The following GAL3ST2 variants were observed in gnomAD, a reference collection of about 807,000 sequenced individuals.
The protein encoded by GAL3ST2 is beta-galactose-3-O-sulfotransferase 2.
In GAL3ST2, 16 loss-of-function variants were observed where a neutral mutation model predicts 12.9. The observed-to-expected ratio is 1.24, with a 90% CI of 0.84 to 1.88. GAL3ST2 has a LOEUF of 1.88. GAL3ST2 is among the 40% of genes most tolerant of loss of function. GAL3ST2 has a pLI of 0.00. For missense variants in GAL3ST2, 639 were observed against 571.8 expected, an observed-to-expected ratio of 1.12 and a Z score of -1.20; for synonymous variants, 302 against 273.9, an observed-to-expected ratio of 1.10 and a Z score of -1.01.
rs761006668 is a variant in GAL3ST2 at position 241,804,037 on chromosome 2, G to A, written c.1068G>A (p.Pro356=). Reference sequence around the variant, plus strand: ...ACATCCTGGGTTACAACCTCCGGCCGGGCCTGGACAACCAGACGCTGGGCG... The same window carrying A: ...ACATCCTGGGTTACAACCTCCGGCCAGGCCTGGACAACCAGACGCTGGGCG... The part of the protein sequence containing the change: ...KADILGYNLR[P]GLDNQTLGVC... The change falls in exon 4 of 4, where the codon CCG becomes CCA. Residue 356 remains proline (P), a synonymous_variant. Transcript: ENST00000192314. 2.6e-6 allele frequency: 4 copies of A among 1,561,602 alleles called. No individual in the cohort carries two copies. Among genetic ancestry groups the A allele is most frequent in the South Asian group, 1.2e-5 (1 of 83,704 alleles).
At chr2:241,790,223 G>T (rs1008327851) in intron 1 of GAL3ST2, among the ~76,000 whole-genome samples, 1 of 152,134 alleles carries the variant, frequency 6.6e-6, no homozygotes, top group Non-Finnish European at 1.5e-5. Flanking sequence ...TTTGGGGATT[G>T]TGGCATTAGA....
In GAL3ST2 at chr2:241,795,512, C is replaced by A. The variant is rs777090758; in HGVS notation, c.30-3553C>A. Among the ~76,000 whole-genome samples, 4 of 152,180 alleles carry A rather than the reference C, an allele frequency of 2.6e-5. No individual in the cohort carries two copies. On this transcript the variant is annotated intron_variant, in intron 1 of 3. Transcript: ENST00000192314. The surrounding 1 kb of genome is among the most constrained non-coding windows in gnomAD (Gnocchi z 4.5). ...TGTTTGAGGAAGGAGTTGACTATGG[C>A]GGAACGAAGTGATGGCCAAGGGTGG...
intron 1 of GAL3ST2, among the ~76,000 whole-genome samples, chr2:241,786,289 C>T (rs1699627481): frequency 6.6e-6 from 1 of 151,892 alleles, no homozygotes; most frequent in Admixed American, 6.6e-5. Flanking sequence ...GAAAAAACAA[C>T]AAAAACAGAG....
At position 241,793,710 on chromosome 2, in the gene GAL3ST2, T is replaced by C. The variant is rs2125194069; in HGVS notation, c.30-5355T>C. On this transcript the variant is annotated intron_variant, in intron 1 of 3. Transcript: ENST00000192314. This position sits in a 1 kb window ranked among gnomAD's most constrained non-coding sequence, Gnocchi z 4.7. ...GTGTGTGTATATGTGTATGTACGTA[T>C]TGTGTATGCATGTGTGTATGTGTGT... 6.6e-6 allele frequency among the ~76,000 whole-genome samples: 1 copy of C among 151,990 alleles called. No homozygotes were observed. The highest frequency in any genetic ancestry group is 1.5e-5 in the Non-Finnish European group (1 of 67,950).
Position 241,801,459 on chromosome 2 carries a change from T to G in GAL3ST2, c.120-322T>G. 1 of 429,436 alleles carries G rather than the reference T, an allele frequency of 2.3e-6. No individual in the cohort carries two copies. Among genetic ancestry groups the G allele is most frequent in the Non-Finnish European group, 4.2e-6 (1 of 236,974 alleles). The allele number at this position is 429,436 out of a possible 1,614,324, so 26.6% of individuals were successfully genotyped here. Reference sequence around the variant, plus strand: ...TCCCATCACTGCTGGGAACTCAGTTTTAAGGTGGGTCTGGGGTCCCCTTGG... The same window carrying G: ...TCCCATCACTGCTGGGAACTCAGTTGTAAGGTGGGTCTGGGGTCCCCTTGG... On this transcript the variant is annotated intron_variant, in intron 2 of 3. Transcript: ENST00000192314. The surrounding 1 kb of genome is among the most constrained non-coding windows in gnomAD (Gnocchi z 4.4).
Position 241,778,357 on chromosome 2 carries a change from C to T in GAL3ST2, c.29+1373C>T, listed in dbSNP as rs570807824. Among the ~76,000 whole-genome samples the T allele has an allele frequency of 2.0e-5, 3 of 152,370 alleles. No homozygotes were observed. The East Asian group carries it at 5.8e-4, about 29-fold the overall frequency. ...GCCCAGAACAGAGGAGAGACTTTGCCTGCGCTAGTGAGGCCTAGTCTTGAC... is the reference window on the plus strand; with the variant it reads ...GCCCAGAACAGAGGAGAGACTTTGCTTGCGCTAGTGAGGCCTAGTCTTGAC... On this transcript the variant is annotated intron_variant, in intron 1 of 3. Coordinates refer to ENST00000192314, the MANE Select transcript of GAL3ST2 (RefSeq NM_022134.3).
rs756864716 is a variant in GAL3ST2, at chr2:241,804,000, C to A, written c.1031C>A (p.Ser344Tyr). The change falls in exon 4 of 4, where the codon TCC (serine) becomes TAC (tyrosine). Residue 344 changes from serine (S) to tyrosine (Y), a missense_variant. Transcript: ENST00000192314. ...IRDPRLRPYQ[S>Y]GKADILGYNL... ...GACCCGCGCCTGCGCCCCTACCAGT[C>A]CGGCAAGGCCGACATCCTGGGTTAC... is the stretch of plus-strand genomic sequence containing the variant. 4 of 1,563,896 alleles carry A rather than the reference C, an allele frequency of 2.6e-6. No homozygotes were observed. Among genetic ancestry groups the A allele is most frequent in the East Asian group, 2.5e-5 (1 of 39,880 alleles).
rs373499308 is a variant in GAL3ST2, at chr2:241,785,691, G to A, written c.29+8707G>A. Among the ~76,000 whole-genome samples, 68 of 151,892 alleles carry A rather than the reference G, an allele frequency of 4.5e-4. 2 individuals carry two copies. The highest frequency in any genetic ancestry group is 1.5e-3 in the African/African-American group (62 of 41,402). Reference sequence around the variant, plus strand: ...TCTTATAAACTATTTTAGGTCTCTCGTGCAGCAGAGGGTGCAAGATAAAGG... The same window carrying A: ...TCTTATAAACTATTTTAGGTCTCTCATGCAGCAGAGGGTGCAAGATAAAGG... On this transcript the variant is annotated intron_variant, in intron 1 of 3. Transcript: ENST00000192314.
At chr2:241,798,933 G>A (rs1308963648) in intron 1 of GAL3ST2, 132 bp from the exon 2 acceptor site, 2 of 726,152 alleles carry the variant, frequency 2.8e-6, no homozygotes, top group African/African-American at 3.4e-5. Context: ...TGGGTTTGAG[G>A]ACAAGACGTT....
At position 241,776,933 on chromosome 2, in the gene GAL3ST2, CT is replaced by C; in HGVS notation, c.-22del. Reference sequence around the variant, plus strand: ...GGGGAGCTCAAGCCTCGACTGTCCCCTCGCTGGAGGCCAGAGGCCAAGATGA... The same window carrying C: ...GGGGAGCTCAAGCCTCGACTGTCCCCCGCTGGAGGCCAGAGGCCAAGATGA... On this transcript the variant is annotated 5_prime_UTR_variant, in exon 1 of 4. Coordinates refer to ENST00000192314, the MANE Select transcript of GAL3ST2 (RefSeq NM_022134.3). 6.5e-7 allele frequency: 1 copy of C among 1,528,708 alleles called. No homozygotes were observed. The highest frequency in any genetic ancestry group is 8.8e-7 in the Non-Finnish European group (1 of 1,132,550). The allele number at this position is 1,528,708 out of a possible 1,614,324, so 94.7% of individuals were successfully genotyped here.
At chr2:241,803,262 G>C in intron 3 of GAL3ST2, 83 bp from the exon 4 acceptor site, 1 of 1,137,596 alleles carries the variant, frequency 8.8e-7, no homozygotes, top group East Asian at 2.6e-5. Flanking sequence ...GAGCGGGTGT[G>C]GCCAGGGCGC....
chr2:241,793,989 C>T lies in GAL3ST2; in HGVS notation c.30-5076C>T, dbSNP rs1293290200. Among the ~76,000 whole-genome samples, 3 of 152,130 alleles carry T rather than the reference C, an allele frequency of 2.0e-5. No individual in the cohort carries two copies. Among genetic ancestry groups the T allele is most frequent in the Non-Finnish European group, 4.4e-5 (3 of 68,026 alleles). ...TGAGACAGAGACTGGCTCTGTGACC[C>T]GGGCTAGAGTGTGGTGGTGAGATCA... On this transcript the variant is annotated intron_variant, in intron 1 of 3. Transcript: ENST00000192314. This position sits in a 1 kb window ranked among gnomAD's most constrained non-coding sequence, Gnocchi z 4.7.
chr2:241,799,477 C>T (rs891418238), intron 2 of GAL3ST2, among the ~76,000 whole-genome samples: 31 of 152,172 alleles, frequency 2.0e-4, no homozygotes, highest in Non-Finnish European at 1.2e-4. Flanking sequence ...GCCTGTGGGC[C>T]TGGGCTGGAT....
intron 1 of GAL3ST2, among the ~76,000 whole-genome samples, chr2:241,779,683 A>G (rs1699541211): frequency 6.6e-6 from 1 of 151,960 alleles, no homozygotes; most frequent in Non-Finnish European, 1.5e-5. Context: ...ATCAGTAGGC[A>G]AACATGAAAG....
intron 1 of GAL3ST2, among the ~76,000 whole-genome samples, chr2:241,796,209 T>C (rs1237461857): frequency 6.6e-6 from 1 of 151,920 alleles, no homozygotes; most frequent in African/African-American, 2.4e-5. Context: ...TCATGAGGGG[T>C]TCCGTCTCTG....
At position 241,795,605 on chromosome 2, in the gene GAL3ST2, G is replaced by A. The variant is rs1292186897; in HGVS notation, c.30-3460G>A. 2.0e-5 allele frequency among the ~76,000 whole-genome samples: 3 copies of A among 152,156 alleles called. 1 individual carries two copies. The highest frequency in any genetic ancestry group is 2.9e-5 in the Non-Finnish European group (2 of 67,986). ...CAGTGAGTTAATCTCTAACTGTGCG[G>A]AGCCGTAAAACTGCCCTTCCCACCT... On this transcript the variant is annotated intron_variant, in intron 1 of 3. Transcript: ENST00000192314. The surrounding 1 kb of genome is among the most constrained non-coding windows in gnomAD (Gnocchi z 4.5).
chr2:241,802,074 C>T lies in GAL3ST2; in HGVS notation c.375+38C>T, dbSNP rs746305109. 5 of 1,570,952 alleles carry T rather than the reference C, an allele frequency of 3.2e-6. No homozygotes were observed. The highest frequency in any genetic ancestry group is 4.3e-6 in the Non-Finnish European group (5 of 1,158,196). ...TGCTGGGGAGGAGGGCGGGCTGCAGCCGTGCCTGTGGCTGTGGGTCTGGGT... is the reference window on the plus strand; with the variant it reads ...TGCTGGGGAGGAGGGCGGGCTGCAGTCGTGCCTGTGGCTGTGGGTCTGGGT... On this transcript the variant is annotated intron_variant, in intron 3 of 3. Coordinates refer to ENST00000192314, the MANE Select transcript of GAL3ST2 (RefSeq NM_022134.3). This position sits in a 1 kb window ranked among gnomAD's most constrained non-coding sequence, Gnocchi z 4.8.
chr2:241,802,579 G>T lies in GAL3ST2; in HGVS notation c.375+543G>T, dbSNP rs909142. Reference sequence around the variant, plus strand: ...GGGCCAGAGGGAGGCCGGGTGGGGAGAGGTGATGGGCAGAGAGCGGGGCAG... The same window carrying T: ...GGGCCAGAGGGAGGCCGGGTGGGGATAGGTGATGGGCAGAGAGCGGGGCAG... On this transcript the variant is annotated intron_variant, in intron 3 of 3. Coordinates refer to ENST00000192314, the MANE Select transcript of GAL3ST2 (RefSeq NM_022134.3). This position sits in a 1 kb window ranked among gnomAD's most constrained non-coding sequence, Gnocchi z 4.8. Among the ~76,000 whole-genome samples, 1 of 151,440 alleles carries T rather than the reference G, an allele frequency of 6.6e-6. No individual in the cohort carries two copies. The highest frequency in any genetic ancestry group is 2.4e-5 in the African/African-American group (1 of 41,208).
Position 241,801,790 on chromosome 2 carries a change from G to T in GAL3ST2, c.129G>T (p.Gly43=). The T allele has an allele frequency of 6.2e-7, 1 of 1,612,404 alleles. No homozygotes were observed. The highest frequency in any genetic ancestry group is 8.5e-7 in the Non-Finnish European group (1 of 1,179,800). Residue 43 remains glycine, a synonymous_variant, in exon 3 of 4, where the codon GGG becomes GGT. Coordinates refer to ENST00000192314, the MANE Select transcript of GAL3ST2 (RefSeq NM_022134.3). This position sits in a 1 kb window ranked among gnomAD's most constrained non-coding sequence, Gnocchi z 4.4. ...SDLELDTPLF[G]GQAEGPPVTN... ...GTGCCTTCCCTCCCAGCCTGTTTGG[G>T]GGCCAGGCTGAGGGGCCGCCGGTCA...
Sources: allele counts gnomAD v4.1 joint callset (sites outside exome capture counted in the v4.1 genomes callset), GRCh38; gene constraint gnomAD v4.1.1; non-coding constraint Gnocchi (gnomAD v3.1); transcripts MANE v1.5; gene names NCBI Gene and HGNC (gene_info 2026-07-23, HGNC 2026-07-21).